Variants in VIT observed in about 807,000 individuals in gnomAD.
VIT encodes the protein vitrin.
Under a neutral mutation model 78.0 loss-of-function variants are expected in VIT, and 99 were observed. The observed-to-expected ratio is 1.27, with a 90% confidence interval of 1.08 to 1.50. The LOEUF (loss-of-function observed/expected upper bound fraction) is 1.50, where lower values mean the gene tolerates loss of function less well. VIT is among the 40% of genes most tolerant of loss of function. The pLI is 0.00. For missense variants in VIT, 1,126 were observed against 875.3 expected (o/e 1.29, Z -3.61); for synonymous variants, 374 against 334.3 (o/e 1.12, Z -1.29).
rs776530181 is a variant in VIT at position 36,781,738 on chromosome 2, T to C, written c.814T>C (p.Ser272Pro). The C allele has an allele frequency of 6.2e-7, 1 of 1,614,204 alleles. No homozygotes were observed. Among genetic ancestry groups the C allele is most frequent in the Non-Finnish European group, 8.5e-7 (1 of 1,180,032 alleles). The change falls in exon 10 of 16, where the codon TCA becomes CCA. Residue 272 changes from serine to proline, a missense_variant. Transcript: ENST00000379242. ...GADVSLGEMD[S>P]WKPGSVLLDE... ...ATTTTGAAAATCAGGAGAGATGGAC[T>C]CATGGAAACCTGGATCGGTCCTTTT...
intron 1 of VIT, among the ~76,000 whole-genome samples, chr2:36,708,430 T>C (rs1404112007): frequency 1.3e-5 from 2 of 152,212 alleles, no homozygotes; most frequent in African/African-American, 2.4e-5. Context: ...AAATCCTACA[T>C]GTCTGCTAGG....
At chr2:36,738,755 A>C (rs969077256) in intron 3 of VIT, among the ~76,000 whole-genome samples, 2 of 152,236 alleles carry the variant, frequency 1.3e-5, no homozygotes, top group Admixed American at 6.5e-5. Flanking sequence ...GACAACATGC[A>C]TTTAGAAAGT....
At chr2:36,770,915 C>T (rs1572509944) in intron 7 of VIT, among the ~76,000 whole-genome samples, 1 of 152,186 alleles carries the variant, frequency 6.6e-6, no homozygotes, top group Admixed American at 6.5e-5. Context: ...ATAGCGATGA[C>T]AGAGATCCTC....
In VIT at chr2:36,810,189, G is replaced by T. The variant is rs191434107; in HGVS notation, c.1903+1204G>T. 1.7e-3 allele frequency among the ~76,000 whole-genome samples: 257 copies of T among 152,254 alleles called. 2 individuals are homozygous for T. The highest frequency in any genetic ancestry group is 3.8e-4 in the Non-Finnish European group (26 of 68,026). ...GCCTGTAATCCCAGCTACTCAGGAG[G>T]CTGAGGCAGGAGAATTGCTTGAACC... On this transcript the variant is annotated intron_variant, in intron 15 of 15. Transcript: ENST00000379242.
At chr2:36,722,170 G>A (rs528844335) in intron 2 of VIT, among the ~76,000 whole-genome samples, 2 of 152,312 alleles carry the variant, frequency 1.3e-5, no homozygotes, top group African/African-American at 4.8e-5. Context: ...CTTTAGATAT[G>A]TTTCAATGCA....
At chr2:36,715,086 G>A (rs1184770002) in intron 1 of VIT, among the ~76,000 whole-genome samples, 3 of 152,240 alleles carry the variant, frequency 2.0e-5, no homozygotes, top group Non-Finnish European at 4.4e-5. Flanking sequence ...TGACCCAGTT[G>A]CTACCATCTC....
chr2:36,759,677 A>G, intron 6 of VIT: 1 of 989,958 alleles, frequency 1.0e-6, no homozygotes, highest in Non-Finnish European at 1.2e-6. Context: ...GTCGCTTTAT[A>G]ACGGGATTTT....
At chr2:36,805,158 A>G (rs1666613650) in intron 13 of VIT, among the ~76,000 whole-genome samples, 2 of 151,746 alleles carry the variant, frequency 1.3e-5, no homozygotes, top group Non-Finnish European at 2.9e-5. Context: ...CACAAAATTA[A>G]CCAGGTACAG....
At chr2:36,736,349 C>G (rs1208120589) in intron 3 of VIT, among the ~76,000 whole-genome samples, 1 of 152,198 alleles carries the variant, frequency 6.6e-6, no homozygotes, top group African/African-American at 2.4e-5. Context: ...AAAAGGCCTA[C>G]TCTTTAACTT....
chr2:36,790,163 C>T (rs1168502614), intron 12 of VIT, among the ~76,000 whole-genome samples: 1 of 152,158 alleles, frequency 6.6e-6, no homozygotes, highest in Non-Finnish European at 1.5e-5. Flanking sequence ...CATCTTGACT[C>T]CTCAATCTCC....
chr2:36,796,079 A>G (rs956424278), intron 12 of VIT, among the ~76,000 whole-genome samples: 24 of 150,466 alleles, frequency 1.6e-4, no homozygotes, highest in African/African-American at 5.9e-4. Flanking sequence ...AAAAGAGCCT[A>G]AACTTACGAA....
chr2:36,734,301 C>T (rs1667377598), intron 3 of VIT, among the ~76,000 whole-genome samples: 1 of 152,094 alleles, frequency 6.6e-6, no homozygotes, highest in Non-Finnish European at 1.5e-5. Flanking sequence ...CAGTTTTCAC[C>T]AGTGTTTTTT....
chr2:36,700,647 C>A (rs1042937733), intron 1 of VIT, among the ~76,000 whole-genome samples: 3 of 152,032 alleles, frequency 2.0e-5, no homozygotes, highest in Non-Finnish European at 4.4e-5. Flanking sequence ...GAGGCTGAGG[C>A]AGGAAGATAA....
intron 1 of VIT, among the ~76,000 whole-genome samples, chr2:36,703,364 C>G (rs553842642): frequency 2.6e-4 from 40 of 151,924 alleles, no homozygotes; most frequent in South Asian, 1.2e-3. Context: ...TACACCCAGC[C>G]CACTTCAGGC....
In VIT at chr2:36,698,220, C is replaced by T. The variant is rs185681223; in HGVS notation, c.-19+1247C>T. Among the ~76,000 whole-genome samples the T allele has an allele frequency of 3.2e-3, 484 of 151,980 alleles. 1 individual carries two copies. The highest frequency in any genetic ancestry group is 0.021 in the Middle Eastern group (6 of 292). On this transcript the variant is annotated intron_variant, in intron 1 of 15. Coordinates refer to ENST00000379242, the MANE Select transcript of VIT (RefSeq NM_053276.4). ...TTTAAATATATCTTATGCCTCACCA[C>T]TAAAAAAAATAAAAATACCTTAGGA...
chr2:36,753,220 G>C (rs1015950509), intron 4 of VIT, among the ~76,000 whole-genome samples: 5 of 152,058 alleles, frequency 3.3e-5, no homozygotes, highest in African/African-American at 9.7e-5. Flanking sequence ...TTGGGGGGTG[G>C]GGGAGGGAGA....
At chr2:36,719,431 C>A (rs721351) in intron 2 of VIT, among the ~76,000 whole-genome samples, 74,615 of 151,984 alleles carry the variant, frequency 0.49, 19,056 homozygotes, top group Admixed American at 0.61. Context: ...TACAGAAAGC[C>A]CTAAAGACTC....
intron 6 of VIT, among the ~76,000 whole-genome samples, chr2:36,761,944 G>T (rs1043057422): frequency 3.3e-5 from 5 of 152,136 alleles, no homozygotes; most frequent in African/African-American, 1.2e-4. Flanking sequence ...GACCTTGAGA[G>T]AGGTTTAGTA....
chr2:36,729,446 C>A lies in VIT; in HGVS notation c.73C>A (p.His25Asn). 6.2e-7 allele frequency: 1 copy of A among 1,608,066 alleles called. No homozygotes were observed. The highest frequency in any genetic ancestry group is 8.5e-7 in the Non-Finnish European group (1 of 1,177,632). The change falls in exon 3 of 16, where the codon CAT becomes AAT. Residue 25 changes from histidine (H) to asparagine (N), a missense_variant. By Grantham distance (68) the His-to-Asn change is moderately conservative. Transcript: ENST00000379242. ...MFLVLLVTGV[H>N]SNKETAKKIK... Reference sequence around the variant, plus strand: ...TGTAGTTTTGCTGGTGACTGGAGTACATTCAAACAAAGAAACGGCAAAGAA... The same window carrying A: ...TGTAGTTTTGCTGGTGACTGGAGTAAATTCAAACAAAGAAACGGCAAAGAA...
Sources: allele counts gnomAD v4.1 joint callset (sites outside exome capture counted in the v4.1 genomes callset), GRCh38; gene constraint gnomAD v4.1.1; transcripts MANE v1.5; gene names NCBI Gene and HGNC (gene_info 2026-07-23, HGNC 2026-07-21).